AIRE: variants seen among roughly 807,000 people sequenced by gnomAD.
The protein encoded by AIRE is autoimmune regulator.
Under a neutral mutation model 62.1 loss-of-function variants are expected in AIRE, and 52 were observed. The ratio of observed to expected loss-of-function variants is 0.84; its 90% CI spans 0.67 to 1.06. The LOEUF (loss-of-function observed/expected upper bound fraction) is 1.06. Among genes scored for constraint, AIRE ranks in the 50% least tolerant of loss-of-function variants. The probability of loss-of-function intolerance (pLI) is 0.00; values close to 1 mark genes in which losing one functional copy is unlikely to be tolerated. For missense variants in AIRE, 774 were observed against 755.8 expected (o/e 1.02, Z -0.28); for synonymous variants, 342 against 321.6 (o/e 1.06, Z -0.68).
Position 44,287,282 on chromosome 21 carries a change from C to A in AIRE, c.463+149C>A. On this transcript the variant is annotated intron_variant, in intron 3 of 13. Coordinates refer to ENST00000291582, the MANE Select transcript of AIRE (RefSeq NM_000383.4). This position sits in a 1 kb window ranked among gnomAD's most constrained non-coding sequence, Gnocchi z 4.3. ...TGGGGGTCTCCTCTGGGTACTAGAC[C>A]CACACACTGGACCAGCCTCTCAGCT... 1 of 955,746 alleles carries A rather than the reference C, an allele frequency of 1.0e-6. No individual in the cohort carries two copies. The highest frequency in any genetic ancestry group is 1.6e-6 in the Non-Finnish European group (1 of 640,958). 59.2% of individuals were successfully genotyped at this position (955,746 alleles called of 1,614,324 possible). A position where few individuals can be genotyped will look rare whatever the true frequency, so the allele number is the denominator to read the frequency against.
chr21:44,286,628 C>CCAGG lies in AIRE; in HGVS notation c.205_208dup (p.Asp70AlafsTer148), dbSNP rs886041124. 1.9e-6 allele frequency: 3 copies of CCAGG among 1,613,020 alleles called. No homozygotes were observed. In the Middle Eastern group the frequency reaches 4.9e-4, roughly 266 times the overall value. On this transcript the variant is annotated frameshift_variant, in exon 2 of 14. Transcript: ENST00000291582. LOFTEE classifies it high-confidence loss of function. This position sits in a 1 kb window ranked among gnomAD's most constrained non-coding sequence, Gnocchi z 6.0. ...ACGCCCTCCTGTCCTGGCTGCTGAC[C>CCAGG]CAGGACTCCACAGCCATCCTGGACT...
rs1183120091 is a variant in AIRE, at chr21:44,297,748, C to A, written c.*21C>A. On this transcript the variant is annotated 3_prime_UTR_variant, in exon 14 of 14. Coordinates refer to ENST00000291582, the MANE Select transcript of AIRE (RefSeq NM_000383.4). The surrounding 1 kb of genome is among the most constrained non-coding windows in gnomAD (Gnocchi z 4.8). ...CCTGACCCCAGATGGCCGGGACATG[C>A]AGCTCTGATGAGAGAGTGCTGAGAA... 3.8e-6 allele frequency: 6 copies of A among 1,599,866 alleles called. No individual in the cohort carries two copies. The highest frequency in any genetic ancestry group is 1.7e-5 in the Admixed American group (1 of 59,986).
In AIRE at chr21:44,286,307, G is replaced by A. The variant is rs1008253963; in HGVS notation, c.132+169G>A. ...CGTCCCTGATGACAAGTTAGAAGTT[G>A]GTCCCCTTCCCCCAGCCGTCCCCAC... On this transcript the variant is annotated intron_variant, in intron 1 of 13. Transcript: ENST00000291582. This position sits in a 1 kb window ranked among gnomAD's most constrained non-coding sequence, Gnocchi z 6.0. Among the ~76,000 whole-genome samples, 1 of 150,212 alleles carries A rather than the reference G, an allele frequency of 6.7e-6. No individual in the cohort carries two copies. The highest frequency in any genetic ancestry group is 2.4e-5 in the African/African-American group (1 of 40,902).
chr21:44,290,744 C>T, intron 7 of AIRE: 1 of 1,421,868 alleles, frequency 7.0e-7, no homozygotes. Flanking sequence ...GAGGATTCAG[C>T]AGGCGCTGAG....
rs1156582406 is a variant in AIRE, at chr21:44,294,504, G to T, written c.1503+1G>T. The T allele has an allele frequency of 6.8e-7, 1 of 1,479,200 alleles. No homozygotes were observed. The highest frequency in any genetic ancestry group is 2.5e-5 in the East Asian group (1 of 40,624). The allele number at this position is 1,479,200 out of a possible 1,614,324, so 91.6% of individuals were successfully genotyped here. ...CCGCCTGGCCCCTGGGCCTGCCAAG[G>T]TCAGTGCCGCAGGGGCCCTCCATGC... On this transcript the variant is annotated splice_donor_variant, in intron 12 of 13. Coordinates refer to ENST00000291582, the MANE Select transcript of AIRE (RefSeq NM_000383.4). LOFTEE classifies it high-confidence loss of function.
In AIRE at chr21:44,293,141, A is replaced by G. The variant is rs149609996; in HGVS notation, c.1244A>G (p.His415Arg). ...CCAGGGCTGGACTCCTCGGCCCTGC[A>G]CCCCCTACTGTGTGTGGGTCCTGAG... is the stretch of plus-strand genomic sequence containing the variant. ...PLPGLDSSAL[H>R]PLLCVGPEGQ... The change falls in exon 10 of 14, where the codon CAC (histidine) becomes CGC (arginine). Residue 415 changes from histidine to arginine, a missense_variant. Around this residue, in one of 3 missense-constraint regions of AIRE, gnomAD observed 354 missense variants for 296.1 expected, o/e 1.20. Transcript: ENST00000291582. The G allele has an allele frequency of 1.4e-4, 228 of 1,583,906 alleles. No homozygotes were observed. In the Middle Eastern group the frequency reaches 3.6e-3, roughly 25 times the overall value.
In AIRE at chr21:44,287,020, C is replaced by T. The variant is rs768840365; in HGVS notation, c.350C>T (p.Ala117Val). Residue 117 changes from alanine (A) to valine (V), a missense_variant, in exon 3 of 14, where the codon GCC (alanine) becomes GTC (valine). Coordinates refer to ENST00000291582, the MANE Select transcript of AIRE (RefSeq NM_000383.4). The surrounding 1 kb of genome is among the most constrained non-coding windows in gnomAD (Gnocchi z 4.3). ...SQPRKGRKPP[A>V]VPKALVPPPR... The stretch of plus-strand genomic sequence containing the variant: ...CCCCGGAAGGGGAGGAAGCCCCCGG[C>T]CGTCCCCAAGGCTTTGGTACCGCCA... 1.2e-6 allele frequency: 2 copies of T among 1,612,824 alleles called. No individual in the cohort carries two copies. The highest frequency in any genetic ancestry group is 1.1e-5 in the South Asian group (1 of 91,088).
rs772298343 is a variant in AIRE at position 44,297,803 on chromosome 21, G to A, written c.*76G>A. On this transcript the variant is annotated 3_prime_UTR_variant, in exon 14 of 14. Coordinates refer to ENST00000291582, the MANE Select transcript of AIRE (RefSeq NM_000383.4). This position sits in a 1 kb window ranked among gnomAD's most constrained non-coding sequence, Gnocchi z 4.8. ...ACCTCCTTCCTCAGTCCTGGAAGCCGGCCGGCTGGGATCAAGAAGGGGACA... is the reference window on the plus strand; with the variant it reads ...ACCTCCTTCCTCAGTCCTGGAAGCCAGCCGGCTGGGATCAAGAAGGGGACA... 4.8e-5 allele frequency: 69 copies of A among 1,431,006 alleles called. No individual in the cohort carries two copies. The highest frequency in any genetic ancestry group is 1.9e-4 in the Middle Eastern group (1 of 5,156). The allele number at this position is 1,431,006 out of a possible 1,614,324, so 88.6% of individuals were successfully genotyped here.
rs1432714738 is a variant in AIRE at position 44,296,433 on chromosome 21, C to T, written c.1554C>T (p.Ser518=). The T allele has an allele frequency of 6.2e-7, 1 of 1,612,512 alleles. No individual in the cohort carries two copies. The highest frequency in any genetic ancestry group is 1.3e-5 in the African/African-American group (1 of 74,976). Residue 518 remains serine (S), a synonymous_variant, in exon 13 of 14, where the codon TCC becomes TCT. Transcript: ENST00000291582. ...EPALHRDDLE[S]LLSEHTFDGI... is the part of the protein sequence containing the mutation. The stretch of plus-strand genomic sequence containing the variant: ...CTCTGCACAGGGATGACCTGGAGTC[C>T]CTTCTGAGCGAGGTAACGCCTCCCC...
At chr21:44,290,716 C>T (rs376616904) in intron 7 of AIRE, 137 of 1,366,442 alleles carry the variant, frequency 1.0e-4, no homozygotes, top group African/African-American at 9.1e-4. Flanking sequence ...GGCACAAGGA[C>T]GGTGGGGGCT....
At position 44,292,296 on chromosome 21, in the gene AIRE, G is replaced by A. The variant is rs781400305; in HGVS notation, c.996-6G>A. The A allele has an allele frequency of 6.4e-7, 1 of 1,567,328 alleles. No homozygotes were observed. The highest frequency in any genetic ancestry group is 8.6e-7 in the Non-Finnish European group (1 of 1,156,320). ...GCATGTCTCTGACTGGTGGACACAC[G>A]AGCAGTGGGACCTGGAGGTGCTCCA... On this transcript the variant is annotated splice_polypyrimidine_tract_variant and splice_region_variant and intron_variant, in intron 8 of 13. Coordinates refer to ENST00000291582, the MANE Select transcript of AIRE (RefSeq NM_000383.4).
Position 44,289,533 on chromosome 21 carries a change from C to G in AIRE, c.653-124C>G, listed in dbSNP as rs1010524406. On this transcript the variant is annotated intron_variant, in intron 5 of 13. Transcript: ENST00000291582. The stretch of plus-strand genomic sequence containing the variant: ...CAGACTCGACTGGGGTGGGGGCGGG[C>G]TGGAGGAATGCAGGCTGTGGGAACT... The G allele has an allele frequency of 2.2e-6, 3 of 1,381,888 alleles. No individual in the cohort carries two copies. In the African/African-American group the frequency reaches 4.3e-5, roughly 20 times the overall value. The allele number at this position is 1,381,888 out of a possible 1,614,324, so 85.6% of individuals were successfully genotyped here.
In AIRE at chr21:44,290,807, A is replaced by T. The variant is rs1049913928; in HGVS notation, c.880-288A>T. On this transcript the variant is annotated intron_variant, in intron 7 of 13. Transcript: ENST00000291582. ...CCCACTGCCCTGTGAGGAAGGGTTCATGTGGTTGGTGTACAGTTCCGGGGC... is the reference window on the plus strand; with the variant it reads ...CCCACTGCCCTGTGAGGAAGGGTTCTTGTGGTTGGTGTACAGTTCCGGGGC... 4 of 1,529,650 alleles carry T rather than the reference A, an allele frequency of 2.6e-6. No individual in the cohort carries two copies. The African/African-American group carries it at 5.5e-5, about 21-fold the overall frequency. 94.8% of individuals were successfully genotyped at this position (1,529,650 alleles called of 1,614,324 possible).
In AIRE at chr21:44,291,126, A is replaced by G; in HGVS notation, c.911A>G (p.Asp304Gly). 6.2e-7 allele frequency: 1 copy of G among 1,612,234 alleles called. No individual in the cohort carries two copies. The highest frequency in any genetic ancestry group is 8.5e-7 in the Non-Finnish European group (1 of 1,179,802). Residue 304 changes from aspartate to glycine, a missense_variant, in exon 8 of 14, where the codon GAC becomes GGC. Transcript: ENST00000291582. The stretch of plus-strand genomic sequence containing the variant: ...GAGGACGAGTGTGCCGTGTGTCGGG[A>G]CGGCGGGGAGCTCATCTGCTGTGAC... ...KNEDECAVCR[D>G]GGELICCDGC...
At chr21:44,290,193 G>A in intron 7 of AIRE, 125 bp downstream of exon 7, 2 of 1,509,562 alleles carry the variant, frequency 1.3e-6, no homozygotes, top group East Asian at 2.4e-5. Context: ...TACCCACAGG[G>A]TACAGCTCTT....
At position 44,286,815 on chromosome 21, in the gene AIRE, G is replaced by C. The variant is rs1042466055; in HGVS notation, c.307+84G>C. ...AGCCCAGCTGGACTGGAACCGGAGT[G>C]GTGTTTGAGGAGCCCGTGGGTGATG... On this transcript the variant is annotated intron_variant, in intron 2 of 13. Coordinates refer to ENST00000291582, the MANE Select transcript of AIRE (RefSeq NM_000383.4). This position sits in a 1 kb window ranked among gnomAD's most constrained non-coding sequence, Gnocchi z 6.0. The C allele has an allele frequency of 2.5e-6, 4 of 1,574,932 alleles. No homozygotes were observed. The highest frequency in any genetic ancestry group is 2.6e-6 in the Non-Finnish European group (3 of 1,149,434).
intron 9 of AIRE, 87 bp downstream of exon 9, chr21:44,292,488 G>C: frequency 2.2e-6 from 2 of 916,282 alleles, no homozygotes; most frequent in African/African-American, 1.6e-5. Flanking sequence ...CCTCCTGTCC[G>C]TCTGTCCCCT....
At position 44,295,071 on chromosome 21, in the gene AIRE, G is replaced by T. The variant is rs2040592047; in HGVS notation, c.1503+568G>T. On this transcript the variant is annotated intron_variant, in intron 12 of 13. Coordinates refer to ENST00000291582, the MANE Select transcript of AIRE (RefSeq NM_000383.4). ...TGCCCTGGAGCTGGGTGTGGGGGAG[G>T]CCCGAGTCGCTGCTGCAGGAGCCTC... 2.0e-5 allele frequency among the ~76,000 whole-genome samples: 3 copies of T among 152,012 alleles called. No homozygotes were observed. In the South Asian group the frequency reaches 6.2e-4, roughly 31 times the overall value.
Position 44,286,492 on chromosome 21 carries a change from T to G in AIRE, c.133-65T>G. 2.6e-6 allele frequency: 4 copies of G among 1,524,208 alleles called. No homozygotes were observed. The highest frequency in any genetic ancestry group is 3.6e-6 in the Non-Finnish European group (4 of 1,117,606). The allele number at this position is 1,524,208 out of a possible 1,614,324, so 94.4% of individuals were successfully genotyped here. On this transcript the variant is annotated intron_variant, in intron 1 of 13. Transcript: ENST00000291582. The surrounding 1 kb of genome is among the most constrained non-coding windows in gnomAD (Gnocchi z 6.0). ...TGGGAGCTCCACCCTCTAGTCATGA[T>G]GGAGATGGGCAGGCCGCAGGGTGTG...
Sources: allele counts gnomAD v4.1 joint callset (sites outside exome capture counted in the v4.1 genomes callset), GRCh38; gene constraint gnomAD v4.1.1; regional missense constraint gnomAD v4.1.1; non-coding constraint Gnocchi (gnomAD v3.1); transcripts MANE v1.5; gene names NCBI Gene and HGNC (gene_info 2026-07-23, HGNC 2026-07-21).